FAT4: variants seen among roughly 807,000 people sequenced by gnomAD.
The protein encoded by FAT4 is protocadherin Fat 4.
FAT4 carries 84 observed loss-of-function variants against 303.9 expected under a neutral mutation model. The observed-to-expected ratio is 0.28, with a 90% confidence interval of 0.23 to 0.33. FAT4 has a LOEUF of 0.33. Among genes scored for constraint, FAT4 ranks in the 10% least tolerant of loss-of-function variants. The probability of loss-of-function intolerance (pLI) is 1.00; values close to 1 mark genes in which losing one functional copy is unlikely to be tolerated. For missense variants in FAT4, 6,005 were observed against 6,146.8 expected (o/e 0.98, Z 0.77); for synonymous variants, 2,307 against 2,298.8 (o/e 1.00, Z -0.10).
At chr4:125,446,637 C>T in intron 9 of FAT4, 94 bp downstream of exon 9, 2 of 1,239,738 alleles carry the variant, frequency 1.6e-6, no homozygotes, top group Non-Finnish European at 2.1e-6. Flanking sequence ...ATACATATTT[C>T]TGATATAGCC....
intron 7 of FAT4, among the ~76,000 whole-genome samples, chr4:125,430,566 A>T (rs1166633515): frequency 2.6e-5 from 4 of 152,134 alleles, no homozygotes; most frequent in Non-Finnish European, 4.4e-5. Context: ...ATGAAAAAAA[A>T]TTTTTAAAAC....
At chr4:125,324,735 A>G (rs1346461046) in intron 2 of FAT4, among the ~76,000 whole-genome samples, 1 of 152,090 alleles carries the variant, frequency 6.6e-6, no homozygotes, top group South Asian at 2.1e-4. Context: ...GGACCCCTTT[A>G]TGCTCTTAAG....
In FAT4 at chr4:125,317,548, G is replaced by C; in HGVS notation, c.1137G>C (p.Leu379=). Residue 379 remains leucine, a synonymous_variant, in exon 2 of 18, where the codon CTG becomes CTC. Coordinates refer to ENST00000394329, the MANE Select transcript of FAT4 (RefSeq NM_001291303.3). The surrounding 1 kb of genome is among the most constrained non-coding windows in gnomAD (Gnocchi z 7.0). ...ENAQVGTVVA[L]LTVTDADSPA... ...CTCAAGTGGGCACCGTGGTGGCTCT[G>C]CTCACCGTGACGGACGCAGATTCTC... 6.2e-7 allele frequency: 1 copy of C among 1,613,890 alleles called. No homozygotes were observed. Among genetic ancestry groups the C allele is most frequent in the Non-Finnish European group, 8.5e-7 (1 of 1,180,002 alleles).
intron 7 of FAT4, among the ~76,000 whole-genome samples, chr4:125,426,090 G>A (rs985993326): frequency 5.3e-5 from 8 of 152,026 alleles, no homozygotes; most frequent in Non-Finnish European, 8.8e-5. Flanking sequence ...TTGAATTGTT[G>A]TCTGTCACAT....
At chr4:125,481,873 A>T in intron 16 of FAT4, 135 bp downstream of exon 16, 1 of 714,316 alleles carries the variant, frequency 1.4e-6, no homozygotes, top group Non-Finnish European at 2.3e-6. Flanking sequence ...CACTATTCCA[A>T]TGTCATCTAT....
intron 2 of FAT4, among the ~76,000 whole-genome samples, chr4:125,396,940 A>G (rs201910145): frequency 0.31 from 17,443 of 56,782 alleles, 1,482 homozygotes; most frequent in East Asian, 0.56. Flanking sequence ...ATATATATAT[A>G]TATATATATA....
intron 15 of FAT4, among the ~76,000 whole-genome samples, chr4:125,480,425 T>C (rs1352337462): frequency 6.6e-6 from 1 of 152,194 alleles, no homozygotes; most frequent in East Asian, 1.9e-4. Flanking sequence ...TAGACATTAA[T>C]GATGTTCATA....
chr4:125,463,431 C>G, intron 10 of FAT4, 132 bp from the exon 11 acceptor site: 1 of 467,574 alleles, frequency 2.1e-6, no homozygotes, highest in Non-Finnish European at 3.8e-6. Context: ...TTCCTTATGT[C>G]AAGTAAAACG....
intron 10 of FAT4, among the ~76,000 whole-genome samples, chr4:125,457,657 T>TTAACTGTAACA (rs1726331030): frequency 7.2e-5 from 11 of 152,070 alleles, no homozygotes; most frequent in Admixed American, 6.5e-5. Context: ...GAAGCTTTGA[T>TTAACTGTAACA]TAACTGTAAC....
In FAT4 at chr4:125,491,179, G is replaced by T. The variant is rs1288915450; in HGVS notation, c.14363G>T (p.Gly4788Val). ...CCACTGGAATCTTCTCCTCCAGTCGGACTTTCTATTGAAGAAGTGGAGAGG... is the reference window on the plus strand; with the variant it reads ...CCACTGGAATCTTCTCCTCCAGTCGTACTTTCTATTGAAGAAGTGGAGAGG... ...QIPLESSPPVGLSIEEVERLN... is the reference protein window; with the variant it reads ...QIPLESSPPVVLSIEEVERLN... Residue 4788 changes from glycine (G) to valine (V), a missense_variant, in exon 18 of 18, where the codon GGA becomes GTA. Coordinates refer to ENST00000394329, the MANE Select transcript of FAT4 (RefSeq NM_001291303.3). The T allele has an allele frequency of 5.6e-6, 9 of 1,614,074 alleles. No individual in the cohort carries two copies. The highest frequency in any genetic ancestry group is 7.6e-6 in the Non-Finnish European group (9 of 1,180,014).
At chr4:125,394,631 T>C (rs2126009484) in intron 2 of FAT4, among the ~76,000 whole-genome samples, 1 of 152,324 alleles carries the variant, frequency 6.6e-6, no homozygotes, top group East Asian at 1.9e-4. Context: ...CTTTTTTCTC[T>C]AAACTTCTAA....
Position 125,357,538 on chromosome 4 carries a change from C to G in FAT4, c.5175+35952C>G, listed in dbSNP as rs1258209303. ...TCATTAGCATTAAGTAAATGAGATACATTTGCCATTTCAGCTGTATTTGTT... is the reference window on the plus strand; with the variant it reads ...TCATTAGCATTAAGTAAATGAGATAGATTTGCCATTTCAGCTGTATTTGTT... On this transcript the variant is annotated intron_variant, in intron 2 of 17. Transcript: ENST00000394329. Among the ~76,000 whole-genome samples the G allele has an allele frequency of 2.6e-5, 4 of 152,202 alleles. No individual in the cohort carries two copies. In the East Asian group the frequency reaches 7.7e-4, roughly 29 times the overall value.
chr4:125,452,379 A>T lies in FAT4; in HGVS notation c.11369A>T (p.Glu3790Val). 1 of 1,614,238 alleles carries T rather than the reference A, an allele frequency of 6.2e-7. No individual in the cohort carries two copies. The highest frequency in any genetic ancestry group is 8.5e-7 in the Non-Finnish European group (1 of 1,180,036). The part of the protein sequence containing the change: ...GVATFFESIK[E>V]ILLRQSGVKV... The stretch of plus-strand genomic sequence containing the variant: ...GCCACCTTCTTTGAAAGCATCAAAG[A>T]GATCCTTCTCCGGCAGAGTGGAGTA... The change falls in exon 10 of 18, where the codon GAG becomes GTG. Residue 3790 changes from glutamate to valine, a missense_variant. Coordinates refer to ENST00000394329, the MANE Select transcript of FAT4 (RefSeq NM_001291303.3).
chr4:125,440,929 C>A (rs1463719306), intron 8 of FAT4, among the ~76,000 whole-genome samples: 5 of 152,124 alleles, frequency 3.3e-5, no homozygotes. Context: ...AATCAGTGGA[C>A]AAATTCTCAT....
chr4:125,472,577 C>T (rs1299304644), intron 12 of FAT4, among the ~76,000 whole-genome samples: 1 of 152,054 alleles, frequency 6.6e-6, no homozygotes, highest in African/African-American at 2.4e-5. Context: ...AACAGACAAT[C>T]TATTATGAAA....
chr4:125,371,799 T>G (rs897026813), intron 2 of FAT4, among the ~76,000 whole-genome samples: 5 of 152,020 alleles, frequency 3.3e-5, no homozygotes, highest in Non-Finnish European at 7.4e-5. Flanking sequence ...CAAAGTGATG[T>G]AATGGAGAAT....
intron 2 of FAT4, among the ~76,000 whole-genome samples, chr4:125,360,913 ATTAT>A (rs1267706620): frequency 2.1e-5 from 3 of 141,702 alleles, no homozygotes; most frequent in Non-Finnish European, 4.6e-5. Flanking sequence ...TTATTTATTT[ATTAT>A]TTATTTTATT....
intron 8 of FAT4, among the ~76,000 whole-genome samples, chr4:125,437,569 A>T (rs1423961696): frequency 6.6e-6 from 1 of 152,202 alleles, no homozygotes; most frequent in Non-Finnish European, 1.5e-5. Flanking sequence ...GTCCAGGGTC[A>T]TAACCCGTTT....
At chr4:125,487,232 T>G (rs1727439535) in intron 16 of FAT4, 113 bp from the exon 17 acceptor site, 3 of 850,088 alleles carry the variant, frequency 3.5e-6, no homozygotes, top group Admixed American at 2.9e-5. Context: ...ACCAGATTCT[T>G]CAGCTATTCT....
Sources: gnomAD v4.1 joint callset for allele counts (sites outside exome capture counted in the v4.1 genomes callset) on GRCh38, gnomAD v4.1.1 for gene constraint, Gnocchi (gnomAD v3.1) non-coding constraint, MANE v1.5 for transcripts, NCBI Gene and HGNC (gene_info 2026-07-23, HGNC 2026-07-21) for gene names.